IL1RAPL1: variants seen among roughly 807,000 people sequenced by gnomAD.
IL1RAPL1 encodes interleukin 1 receptor accessory protein like 1.
In IL1RAPL1, 3 loss-of-function variants were observed where a neutral mutation model predicts 48.4. The ratio of observed to expected loss-of-function variants is 0.06; its 90% confidence interval spans 0.03 to 0.16. The LOEUF is 0.16. Among genes scored for constraint, IL1RAPL1 ranks in the 10% least tolerant of loss-of-function variants. The probability of loss-of-function intolerance (pLI) is 1.00; values close to 1 mark genes in which losing one functional copy is unlikely to be tolerated. For synonymous variants in IL1RAPL1, 185 were observed against 187.7 expected (o/e 0.99, Z 0.12); for missense variants, 349 against 530.6 (o/e 0.66, Z 3.36).
intron 3 of IL1RAPL1, among the ~76,000 whole-genome samples, chrX:29,293,949 A>T (rs1932409023): frequency 9.0e-6 from 1 of 111,197 alleles, no homozygotes; most frequent in Admixed American, 9.6e-5. Context: ...TGATAAGGTA[A>T]TCACTTATTT....
At chrX:29,391,791 C>T (rs1933857083) in intron 3 of IL1RAPL1, among the ~76,000 whole-genome samples, 1 of 111,593 alleles carries the variant, frequency 9.0e-6, no homozygotes, top group African/African-American at 3.3e-5. Context: ...GCTAACCCAG[C>T]ACCAATTGCC....
intron 6 of IL1RAPL1, among the ~76,000 whole-genome samples, chrX:29,911,594 T>TTTTTGTTTACATTA (rs2069684191): frequency 8.9e-6 from 1 of 112,418 alleles, no homozygotes; most frequent in African/African-American, 3.2e-5. Context: ...ACAGTTCATA[T>TTTTTGTTTACATTA]TTTTGTTTAC....
At chrX:29,393,208 G>A (rs1299177444) in intron 3 of IL1RAPL1, among the ~76,000 whole-genome samples, 7 of 111,485 alleles carry the variant, frequency 6.3e-5, no homozygotes, top group Non-Finnish European at 1.1e-4. Context: ...TGCAAGCTCC[G>A]CCTCCCGGGT....
chrX:29,843,264 G>T (rs1401519458), intron 6 of IL1RAPL1, among the ~76,000 whole-genome samples: 4 of 112,051 alleles, frequency 3.6e-5, no homozygotes, highest in Non-Finnish European at 7.5e-5. Context: ...AGCTGGTAAG[G>T]TACATGACCA....
At chrX:29,834,351 G>C (rs1930945018) in intron 6 of IL1RAPL1, among the ~76,000 whole-genome samples, 1 of 111,534 alleles carries the variant, frequency 9.0e-6, no homozygotes, top group Admixed American at 9.6e-5. Flanking sequence ...ATATACCGAT[G>C]ACTCTAGTAG....
At chrX:29,538,095 G>T (rs1005430886) in intron 5 of IL1RAPL1, among the ~76,000 whole-genome samples, 26 of 108,987 alleles carry the variant, frequency 2.4e-4, no homozygotes, top group African/African-American at 8.0e-4. Flanking sequence ...AGATAGCTGG[G>T]AAAATAGTTA....
chrX:28,659,313 TA>T, intron 1 of IL1RAPL1: 1 of 553,404 alleles, frequency 1.8e-6, no homozygotes, highest in South Asian at 2.4e-5. Context: ...TTCTGATGAC[TA>T]ATTTCACGAA....
intron 5 of IL1RAPL1, among the ~76,000 whole-genome samples, chrX:29,547,442 ATAAC>A (rs763301196): frequency 6.3e-5 from 7 of 111,424 alleles, no homozygotes; most frequent in East Asian, 5.6e-4. Context: ...AAAAGAGAGA[ATAAC>A]TAATTTTTCA....
At chrX:29,138,388 T>C (rs1321284712) in intron 2 of IL1RAPL1, among the ~76,000 whole-genome samples, 1 of 112,059 alleles carries the variant, frequency 8.9e-6, no homozygotes, top group Non-Finnish European at 1.9e-5. Flanking sequence ...ACTGTAAATA[T>C]GTAGATAAAA....
rs866744573 is a variant in IL1RAPL1, at chrX:29,488,784, C to T, written c.703+89476C>T. On this transcript the variant is annotated intron_variant, in intron 5 of 10. Transcript: ENST00000378993. ...TGTGGTCATTATTTCACAATGCATA[C>T]TGTTAACAAAAGATCATGAAATTTG... 4.3e-4 allele frequency among the ~76,000 whole-genome samples: 48 copies of T among 112,010 alleles called. 1 individual carries two copies. Among genetic ancestry groups the T allele is most frequent in the African/African-American group, 1.4e-3 (43 of 30,803 alleles).
At chrX:29,818,728 A>G (rs188107310) in intron 6 of IL1RAPL1, among the ~76,000 whole-genome samples, 22 of 112,292 alleles carry the variant, frequency 2.0e-4, no homozygotes, top group African/African-American at 7.1e-4. Context: ...GACGTAAACT[A>G]TAGCAGTAGC....
At position 29,591,028 on chromosome X, in the gene IL1RAPL1, C is replaced by T. The variant is rs150580251; in HGVS notation, c.704-77402C>T. ...TCTCTGGCATTACACATCCTCGAGG[C>T]ATGCACCGTAGGGTAAAGGACACCA... On this transcript the variant is annotated intron_variant, in intron 5 of 10. Transcript: ENST00000378993. Among the ~76,000 whole-genome samples, 933 of 112,328 alleles carry T rather than the reference C, an allele frequency of 8.3e-3. 11 individuals are homozygous for T. Among genetic ancestry groups the T allele is most frequent in the African/African-American group, 0.028 (877 of 30,898 alleles).
chrX:29,364,799 A>T (rs1285086007), intron 3 of IL1RAPL1, among the ~76,000 whole-genome samples: 1 of 110,895 alleles, frequency 9.0e-6, no homozygotes, highest in Non-Finnish European at 1.9e-5. Flanking sequence ...ACACCATTTT[A>T]TAACAGGGAC....
At chrX:28,783,502 T>A (rs1936443186) in intron 1 of IL1RAPL1, among the ~76,000 whole-genome samples, 1 of 75,942 alleles carries the variant, frequency 1.3e-5, no homozygotes, top group Non-Finnish European at 2.4e-5. Flanking sequence ...TTTAGAATTG[T>A]GTTAAAAAGA....
intron 2 of IL1RAPL1, among the ~76,000 whole-genome samples, chrX:28,795,285 T>C (rs760970800): frequency 8.9e-6 from 1 of 111,791 alleles, no homozygotes; most frequent in African/African-American, 3.2e-5. Flanking sequence ...AAATAATAAG[T>C]CTAATAAAAA....
At chrX:29,022,202 G>T (rs995040963) in intron 2 of IL1RAPL1, among the ~76,000 whole-genome samples, 90 of 110,300 alleles carry the variant, frequency 8.2e-4, no homozygotes, top group African/African-American at 2.7e-3. Flanking sequence ...GTTGAATTTC[G>T]CCCCAACCCT....
At chrX:29,560,760 CT>C (rs1040485393) in intron 5 of IL1RAPL1, among the ~76,000 whole-genome samples, 2 of 111,191 alleles carry the variant, frequency 1.8e-5, no homozygotes, top group African/African-American at 6.5e-5. Flanking sequence ...AATTGTTTTT[CT>C]GATTTTGTTC....
intron 5 of IL1RAPL1, among the ~76,000 whole-genome samples, chrX:29,652,092 C>T (rs1925537387): frequency 9.0e-6 from 1 of 111,059 alleles, no homozygotes; most frequent in South Asian, 3.7e-4. Flanking sequence ...AAAAAAAGCA[C>T]ACAATTACTG....
intron 3 of IL1RAPL1, among the ~76,000 whole-genome samples, chrX:29,344,825 G>A (rs1933129624): frequency 9.0e-6 from 1 of 111,444 alleles, no homozygotes; most frequent in Admixed American, 9.5e-5. Flanking sequence ...TTTAATAGAG[G>A]CAGGGTTTCA....
Sources: gnomAD v4.1 joint callset for allele counts (sites outside exome capture counted in the v4.1 genomes callset) on GRCh38, gnomAD v4.1.1 for gene constraint, MANE v1.5 for transcripts, NCBI Gene and HGNC (gene_info 2026-07-23, HGNC 2026-07-21) for gene names.